The following DLL4 variants were observed in gnomAD, a reference collection of about 807,000 sequenced individuals.
The protein encoded by DLL4 is delta-like protein 4.
Under a neutral mutation model 73.6 loss-of-function variants are expected in DLL4, and 7 were observed. The observed-to-expected ratio is 0.10, with a 90% confidence interval of 0.05 to 0.18. The LOEUF (loss-of-function observed/expected upper bound fraction) is 0.18, where lower values mean the gene tolerates loss of function less well. Among genes scored for constraint, DLL4 ranks in the 10% least tolerant of loss-of-function variants. DLL4 has a pLI of 1.00. For missense variants in DLL4, 614 were observed against 929.9 expected, an observed-to-expected ratio of 0.66 and a Z score of 4.42; for synonymous variants, 345 against 374.3, an observed-to-expected ratio of 0.92 and a Z score of 0.90.
intron 6 of DLL4, 96 bp from the exon 7 acceptor site, chr15:40,934,452 T>G: frequency 7.4e-7 from 1 of 1,350,840 alleles, no homozygotes; most frequent in Non-Finnish European, 1.0e-6. Context: ...TTGAGGTGTC[T>G]TTGAGCCAAA....
Position 40,929,719 on chromosome 15 carries a change from G to C in DLL4, c.51G>C (p.Val17=). The C allele has an allele frequency of 6.3e-7, 1 of 1,597,638 alleles. No individual in the cohort carries two copies. Among genetic ancestry groups the C allele is most frequent in the South Asian group, 1.1e-5 (1 of 90,108 alleles). ...SASGWALLLL[V]ALWQQRAAGS... is the part of the protein sequence containing the mutation. ...CTGGCTGGGCGCTACTGCTGCTGGT[G>C]GCACTTTGGCAGCAGGTAACACGTC... is the stretch of plus-strand genomic sequence containing the variant. The change falls in exon 1 of 11, where the codon GTG becomes GTC. Residue 17 remains valine, a synonymous_variant. Coordinates refer to ENST00000249749, the MANE Select transcript of DLL4 (RefSeq NM_019074.4). The surrounding 1 kb of genome is among the most constrained non-coding windows in gnomAD (Gnocchi z 7.1).
Position 40,931,563 on chromosome 15 carries a change from G to T in DLL4, c.455G>T (p.Gly152Val). Residue 152 changes from glycine to valine, a missense_variant, in exon 4 of 11, where the codon GGT (glycine) becomes GTT (valine). Gly to Val is a moderately radical substitution (Grantham distance 109). This residue lies in a region of DLL4 where 227 missense variants were observed against 370.8 expected (regional missense o/e 0.61). Coordinates refer to ENST00000249749, the MANE Select transcript of DLL4 (RefSeq NM_019074.4). Reference protein sequence around the residue: ...KIAIQGSLAVGQNWLLDEQTS... With the variant: ...KIAIQGSLAVVQNWLLDEQTS... The stretch of plus-strand genomic sequence containing the variant: ...GCCATCCAGGGCTCCCTAGCTGTGG[G>T]TCAGAACTGGTTATTGGATGAGCAA... The T allele has an allele frequency of 6.2e-7, 1 of 1,611,446 alleles. No individual in the cohort carries two copies. Among genetic ancestry groups the T allele is most frequent in the Non-Finnish European group, 8.5e-7 (1 of 1,178,784 alleles).
chr15:40,936,436 C>T lies in DLL4; in HGVS notation c.1449C>T (p.Ala483=). 1 of 1,611,448 alleles carries T rather than the reference C, an allele frequency of 6.2e-7. No individual in the cohort carries two copies. The change falls in exon 9 of 11, where the codon GCC becomes GCT. Residue 483 remains alanine (A), a synonymous_variant. Coordinates refer to ENST00000249749, the MANE Select transcript of DLL4 (RefSeq NM_019074.4). ...GTGAGGTGCGGACATCCATCGATGC[C>T]TGTGCCTCGAGTCCCTGCTTCAACA... ...RRCEVRTSID[A]CASSPCFNRA... is the part of the protein sequence containing the mutation.
In DLL4 at chr15:40,938,330, C is replaced by T. The variant is rs1003494693; in HGVS notation, c.*296C>T. On this transcript the variant is annotated 3_prime_UTR_variant, in exon 11 of 11. Coordinates refer to ENST00000249749, the MANE Select transcript of DLL4 (RefSeq NM_019074.4). ...GTAGTGGCCTTCAGGGGGCTCCTTC[C>T]GGGGCTCCGGCCTGTTTTCCAGAGA... 9.5e-6 allele frequency: 3 copies of T among 314,426 alleles called. No individual in the cohort carries two copies. The highest frequency in any genetic ancestry group is 1.4e-4 in the South Asian group (1 of 7,036). 19.5% of individuals were successfully genotyped at this position (314,426 alleles called of 1,614,324 possible). A position where few individuals can be genotyped will look rare whatever the true frequency, so the allele number is the denominator to read the frequency against.
At chr15:40,931,472 C>A in intron 3 of DLL4, 31 bp from the exon 4 acceptor site, 5 of 1,592,908 alleles carry the variant, frequency 3.1e-6, no homozygotes, top group Non-Finnish European at 4.3e-6. Flanking sequence ...GACTGGCGAC[C>A]CTTCCCTGAC....
In DLL4 at chr15:40,935,080, G is replaced by T. The variant is rs764119585; in HGVS notation, c.1203G>T (p.Lys401Asn). Reference sequence around the variant, plus strand: ...ACTTCACCGGCTCCAACTGCGAGAAGAAAGTGGACAGGTGCACCAGCAACC... The same window carrying T: ...ACTTCACCGGCTCCAACTGCGAGAATAAAGTGGACAGGTGCACCAGCAACC... ...PPNFTGSNCE[K>N]KVDRCTSNPC... Residue 401 changes from lysine (K) to asparagine (N), a missense_variant, in exon 8 of 11, where the codon AAG becomes AAT. By Grantham distance (94) the Lys-to-Asn change is moderately conservative. This residue lies in a region of DLL4 where 386 missense variants were observed against 541.3 expected (regional missense o/e 0.71). Transcript: ENST00000249749. 5 of 1,613,120 alleles carry T rather than the reference G, an allele frequency of 3.1e-6. No individual in the cohort carries two copies. The highest frequency in any genetic ancestry group is 4.2e-6 in the Non-Finnish European group (5 of 1,179,904).
At chr15:40,933,662 G>A (rs1050300296) in intron 6 of DLL4, among the ~76,000 whole-genome samples, 6 of 151,776 alleles carry the variant, frequency 4.0e-5, no homozygotes, top group East Asian at 1.9e-4. Flanking sequence ...CTTCCTCCCC[G>A]ACATGTGGCC....
chr15:40,934,482 TG>T, intron 6 of DLL4, 65 bp from the exon 7 acceptor site: 1 of 1,551,166 alleles, frequency 6.4e-7, no homozygotes, highest in Non-Finnish European at 8.8e-7. Context: ...AAACATGGAC[TG>T]CAAGGAGCCT....
rs750957641 is a variant in DLL4 at position 40,936,666 on chromosome 15, C to T, written c.1679C>T (p.Pro560Leu). The change falls in exon 9 of 11, where the codon CCG (proline) becomes CTG (leucine). Residue 560 changes from proline (P) to leucine (L), a missense_variant. Coordinates refer to ENST00000249749, the MANE Select transcript of DLL4 (RefSeq NM_019074.4). The stretch of plus-strand genomic sequence containing the variant: ...GTGCGGCAGCTGCGGCTTCGACGGC[C>T]GGACGACGGCAGCAGGGAAGCCATG... ...VAVRQLRLRRPDDGSREAMNN... is the reference protein window; with the variant it reads ...VAVRQLRLRRLDDGSREAMNN... 23 of 1,612,578 alleles carry T rather than the reference C, an allele frequency of 1.4e-5. 1 individual carries two copies. The highest frequency in any genetic ancestry group is 6.7e-5 in the East Asian group (3 of 44,898).
chr15:40,938,761 AG>A lies in DLL4; in HGVS notation c.*730del, dbSNP rs1281146763. On this transcript the variant is annotated 3_prime_UTR_variant, in exon 11 of 11. Coordinates refer to ENST00000249749, the MANE Select transcript of DLL4 (RefSeq NM_019074.4). ...GGTGCCAGGCCTAACTGGGGCACTCAGGGCAGTGTGTTGGAAATTCCACTGA... is the reference window on the plus strand; with the variant it reads ...GGTGCCAGGCCTAACTGGGGCACTCAGGCAGTGTGTTGGAAATTCCACTGA... 1 of 152,622 alleles carries A rather than the reference AG, an allele frequency of 6.6e-6. No individual in the cohort carries two copies. The highest frequency in any genetic ancestry group is 1.9e-4 in the East Asian group (1 of 5,190). 9.5% of individuals were successfully genotyped at this position (152,622 alleles called of 1,614,324 possible).
At chr15:40,935,563 C>T (rs1426178119) in intron 8 of DLL4, among the ~76,000 whole-genome samples, 1 of 152,184 alleles carries the variant, frequency 6.6e-6, no homozygotes, top group Non-Finnish European at 1.5e-5. Context: ...CCTTTTGAGG[C>T]ACAAAGCCTG....
At position 40,930,159 on chromosome 15, in the gene DLL4, A is replaced by C; in HGVS notation, c.336+43A>C. On this transcript the variant is annotated intron_variant, in intron 2 of 10. Coordinates refer to ENST00000249749, the MANE Select transcript of DLL4 (RefSeq NM_019074.4). The surrounding 1 kb of genome is among the most constrained non-coding windows in gnomAD (Gnocchi z 5.7). ...GCACTGGGAGGTCGCAGAAGCCGAGAGAGGAGGCGCCCTGGGACCAAAGCC... is the reference window on the plus strand; with the variant it reads ...GCACTGGGAGGTCGCAGAAGCCGAGCGAGGAGGCGCCCTGGGACCAAAGCC... 6.3e-7 allele frequency: 1 copy of C among 1,583,758 alleles called. No individual in the cohort carries two copies. The highest frequency in any genetic ancestry group is 8.6e-7 in the Non-Finnish European group (1 of 1,165,572).
At chr15:40,933,809 G>A (rs1892804011) in intron 6 of DLL4, among the ~76,000 whole-genome samples, 1 of 152,054 alleles carries the variant, frequency 6.6e-6, no homozygotes, top group Non-Finnish European at 1.5e-5. Context: ...GATTCAAGGT[G>A]CTTTAAGAAA....
At position 40,938,276 on chromosome 15, in the gene DLL4, G is replaced by A. The variant is rs930816013; in HGVS notation, c.*242G>A. On this transcript the variant is annotated 3_prime_UTR_variant, in exon 11 of 11. Transcript: ENST00000249749. ...CACCAACCAGAGGAACAGAAGAGAAGAGAGATGCCACTGGGCACTGCCCTG... is the reference window on the plus strand; with the variant it reads ...CACCAACCAGAGGAACAGAAGAGAAAAGAGATGCCACTGGGCACTGCCCTG... The A allele has an allele frequency of 3.7e-5, 15 of 410,850 alleles. No individual in the cohort carries two copies. The Admixed American group carries it at 3.8e-4, about 10-fold the overall frequency. 25.5% of individuals were successfully genotyped at this position (410,850 alleles called of 1,614,324 possible).
chr15:40,934,480 A>T, intron 6 of DLL4, 68 bp from the exon 7 acceptor site: 4 of 1,540,562 alleles, frequency 2.6e-6, no homozygotes. Flanking sequence ...GCAAACATGG[A>T]CTGCAAGGAG....
Position 40,929,583 on chromosome 15 carries a change from C to A in DLL4, c.-86C>A. 1 of 1,315,044 alleles carries A rather than the reference C, an allele frequency of 7.6e-7. No homozygotes were observed. The highest frequency in any genetic ancestry group is 1.0e-6 in the Non-Finnish European group (1 of 989,840). 81.5% of individuals were successfully genotyped at this position (1,315,044 alleles called of 1,614,324 possible). A position where few individuals can be genotyped will look rare whatever the true frequency, so the allele number is the denominator to read the frequency against. On this transcript the variant is annotated 5_prime_UTR_variant, in exon 1 of 11. Transcript: ENST00000249749. This position sits in a 1 kb window ranked among gnomAD's most constrained non-coding sequence, Gnocchi z 7.1. ...GAGGAGCGCCTCTTTTCAGGGACCC[C>A]GCCGGCTGGCGGACGCGCGGGAAAG...
rs1002658065 is a variant in DLL4, at chr15:40,936,478, C to T, written c.1491C>T (p.Thr497=). The change falls in exon 9 of 11, where the codon ACC becomes ACT. Residue 497 remains threonine, a synonymous_variant. Transcript: ENST00000249749. ...GCTTCAACAGGGCCACCTGCTACACCGACCTCTCCACAGACACCTTTGTGT... is the reference window on the plus strand; with the variant it reads ...GCTTCAACAGGGCCACCTGCTACACTGACCTCTCCACAGACACCTTTGTGT... ...SPCFNRATCY[T]DLSTDTFVCN... 1.4e-5 allele frequency: 23 copies of T among 1,611,260 alleles called. No homozygotes were observed. Among genetic ancestry groups the T allele is most frequent in the South Asian group, 3.3e-5 (3 of 90,946 alleles).
rs202066588 is a variant in DLL4, at chr15:40,936,858, G to A, written c.1871G>A (p.Arg624Gln). The change falls in exon 9 of 11, where the codon CGG becomes CAG. Residue 624 changes from arginine to glutamine, a missense_variant. Around this residue, in one of 3 missense-constraint regions of DLL4, gnomAD observed 386 missense variants for 541.3 expected, o/e 0.71. Coordinates refer to ENST00000249749, the MANE Select transcript of DLL4 (RefSeq NM_019074.4). ...DYNLAPGPLG[R>Q]GTMPGKFPHS... Reference sequence around the variant, plus strand: ...AATCTGGCCCCAGGGCCCCTGGGGCGGGGGACCATGCCAGGAAAGTTTCCC... The same window carrying A: ...AATCTGGCCCCAGGGCCCCTGGGGCAGGGGACCATGCCAGGAAAGTTTCCC... 62 of 1,613,074 alleles carry A rather than the reference G, an allele frequency of 3.8e-5. No individual in the cohort carries two copies. Among genetic ancestry groups the A allele is most frequent in the Middle Eastern group, 1.6e-4 (1 of 6,084 alleles).
chr15:40,933,104 GCAGC>G (rs201535440), intron 6 of DLL4, among the ~76,000 whole-genome samples: 4,746 of 152,276 alleles, frequency 0.031, 213 homozygotes, highest in African/African-American at 0.11. Context: ...CTAGCCAGCT[GCAGC>G]CAGCTGCAGC....
Sources: allele counts gnomAD v4.1 joint callset (sites outside exome capture counted in the v4.1 genomes callset), GRCh38; gene constraint gnomAD v4.1.1; regional missense constraint gnomAD v4.1.1; non-coding constraint Gnocchi (gnomAD v3.1); transcripts MANE v1.5; gene names NCBI Gene and HGNC (gene_info 2026-07-23, HGNC 2026-07-21).